MBOAT1: variants seen among roughly 807,000 people sequenced by gnomAD.
The protein encoded by MBOAT1 is membrane bound glycerophospholipid O-acyltransferase 1, also known as membrane-bound glycerophospholipid O-acyltransferase 1.
Under a neutral mutation model 64.4 loss-of-function variants are expected in MBOAT1, and 67 were observed. The ratio of observed to expected loss-of-function variants is 1.04; its 90% CI spans 0.85 to 1.27. The LOEUF (loss-of-function observed/expected upper bound fraction) is 1.27, where lower values mean the gene tolerates loss of function less well. Among genes scored for constraint, MBOAT1 ranks in the 50% most tolerant of loss-of-function variants. The pLI, the probability that MBOAT1 is intolerant of heterozygous loss-of-function variation, is 0.00. For missense variants in MBOAT1, 563 were observed against 604.6 expected, an observed-to-expected ratio of 0.93 and a Z score of 0.72; for synonymous variants, 229 against 218.9, an observed-to-expected ratio of 1.05 and a Z score of -0.41.
chr6:20,159,496 A>G lies in MBOAT1; in HGVS notation c.100-6727T>C, dbSNP rs143156502. On this transcript the variant is annotated intron_variant, in intron 1 of 12. Transcript: ENST00000324607. The stretch of plus-strand genomic sequence containing the variant: ...ATTTGCGACAACATGATACACCTAG[A>G]AGACATTGTGTTAAATGACATAAGC... Among the ~76,000 whole-genome samples, 11 of 152,318 alleles carry G rather than the reference A, an allele frequency of 7.2e-5. No individual in the cohort carries two copies. The East Asian group carries it at 2.1e-3, about 29-fold the overall frequency.
chr6:20,211,158 C>G (rs1763405446), intron 1 of MBOAT1, among the ~76,000 whole-genome samples: 1 of 152,098 alleles, frequency 6.6e-6, no homozygotes, highest in Non-Finnish European at 1.5e-5. Context: ...AGGCAAATGT[C>G]CAGGTCTCAC....
intron 1 of MBOAT1, among the ~76,000 whole-genome samples, chr6:20,173,107 T>A (rs1762247106): frequency 6.6e-6 from 1 of 152,180 alleles, no homozygotes; most frequent in African/African-American, 2.4e-5. Flanking sequence ...TCCACCATGA[T>A]TATAAGTTCC....
rs535526001 is a variant in MBOAT1 at position 20,147,962 on chromosome 6, C to G, written c.323+3223G>C. On this transcript the variant is annotated intron_variant, in intron 3 of 12. Transcript: ENST00000324607. ...TGATAACTGCATCACCAAGTTCTCA[C>G]GCTAGGCCCTCTGCCCCAGGAGACA... Among the ~76,000 whole-genome samples, 3 of 152,350 alleles carry G rather than the reference C, an allele frequency of 2.0e-5. No homozygotes were observed. The South Asian group carries it at 6.2e-4, about 32-fold the overall frequency.
chr6:20,136,205 A>T (rs543089969), intron 4 of MBOAT1, among the ~76,000 whole-genome samples: 64 of 152,346 alleles, frequency 4.2e-4, no homozygotes, highest in Admixed American at 6.5e-4. Flanking sequence ...AAAGGCAGAG[A>T]TCACGCCTCT....
chr6:20,102,719 C>T (rs72842611), intron 12 of MBOAT1, among the ~76,000 whole-genome samples: 9,968 of 152,192 alleles, frequency 0.065, 431 homozygotes, highest in Middle Eastern at 0.11. Flanking sequence ...CAGCCAGACA[C>T]CCCCAATATT....
intron 3 of MBOAT1, among the ~76,000 whole-genome samples, chr6:20,147,845 A>G (rs1019393589): frequency 6.6e-6 from 1 of 152,242 alleles, no homozygotes; most frequent in Non-Finnish European, 1.5e-5. Context: ...ATTAAATGAT[A>G]TATTACATAA....
intron 1 of MBOAT1, among the ~76,000 whole-genome samples, chr6:20,181,670 G>A (rs938500087): frequency 5.9e-5 from 9 of 152,178 alleles, no homozygotes; most frequent in African/African-American, 1.2e-4. Context: ...CACATAAGGC[G>A]GCCTCGGTGC....
intron 4 of MBOAT1, among the ~76,000 whole-genome samples, chr6:20,143,785 C>G (rs1055012364): frequency 9.2e-5 from 14 of 152,096 alleles, no homozygotes; most frequent in Middle Eastern, 3.2e-3. Flanking sequence ...AGATGAAAAC[C>G]AACCCTGAGT....
At chr6:20,191,822 A>G (rs1211242197) in intron 1 of MBOAT1, among the ~76,000 whole-genome samples, 2 of 152,210 alleles carry the variant, frequency 1.3e-5, no homozygotes, top group Admixed American at 6.5e-5. Flanking sequence ...AAGCTATATT[A>G]TTATAGTACT....
In MBOAT1 at chr6:20,100,583, C is replaced by A. The variant is rs570968182; in HGVS notation, c.*1703G>T. Among the ~76,000 whole-genome samples the A allele has an allele frequency of 7.9e-5, 12 of 152,280 alleles. No individual in the cohort carries two copies. The highest frequency in any genetic ancestry group is 2.6e-4 in the African/African-American group (11 of 41,544). On this transcript the variant is annotated 3_prime_UTR_variant, in exon 13 of 13. Coordinates refer to ENST00000324607, the MANE Select transcript of MBOAT1 (RefSeq NM_001080480.3). ...CCCCAGCACCAGGACTGTTTACATG[C>A]TGTAGAGGAACAGGCACATCACATT...
chr6:20,148,775 A>C (rs1482744169), intron 3 of MBOAT1, among the ~76,000 whole-genome samples: 2 of 152,192 alleles, frequency 1.3e-5, no homozygotes, highest in African/African-American at 4.8e-5. Flanking sequence ...AACAATTTCC[A>C]CTTCGGCAAT....
At chr6:20,105,453 C>T (rs1236447168) in intron 12 of MBOAT1, among the ~76,000 whole-genome samples, 1 of 152,144 alleles carries the variant, frequency 6.6e-6, no homozygotes, top group Non-Finnish European at 1.5e-5. Flanking sequence ...TTGCCATCTA[C>T]GAAAGTTTCT....
intron 5 of MBOAT1, among the ~76,000 whole-genome samples, chr6:20,129,540 C>T (rs1760756351): frequency 6.6e-6 from 1 of 151,450 alleles, no homozygotes; most frequent in African/African-American, 2.4e-5. Context: ...CTGGAATTTA[C>T]TCGTTCCTCC....
At chr6:20,136,230 G>C (rs563775131) in intron 4 of MBOAT1, among the ~76,000 whole-genome samples, 24 of 152,200 alleles carry the variant, frequency 1.6e-4, no homozygotes, top group Admixed American at 2.6e-4. Context: ...TCATTTCAGA[G>C]TTCATTAGTA....
At chr6:20,154,815 ATTG>A (rs961375470) in intron 1 of MBOAT1, among the ~76,000 whole-genome samples, 1 of 152,216 alleles carries the variant, frequency 6.6e-6, no homozygotes, top group African/African-American at 2.4e-5. Flanking sequence ...TACTAAACCC[ATTG>A]TTGTACTCTG....
chr6:20,157,117 A>C (rs12660328), intron 1 of MBOAT1, among the ~76,000 whole-genome samples: 34,792 of 151,784 alleles, frequency 0.23, 4,574 homozygotes, highest in East Asian at 0.44. Flanking sequence ...AACCCCATCC[A>C]CCCAAAAAAA....
chr6:20,167,391 C>T (rs6932299), intron 1 of MBOAT1, among the ~76,000 whole-genome samples: 53,028 of 152,108 alleles, frequency 0.35, 9,806 homozygotes, highest in East Asian at 0.53. Flanking sequence ...TAAGGGTATG[C>T]TCTCCTCACC....
chr6:20,163,072 T>A (rs1029680995), intron 1 of MBOAT1, among the ~76,000 whole-genome samples: 1 of 152,230 alleles, frequency 6.6e-6, no homozygotes, highest in Non-Finnish European at 1.5e-5. Context: ...CTTTAAAAAC[T>A]TACTCCAATG....
intron 1 of MBOAT1, among the ~76,000 whole-genome samples, chr6:20,209,766 C>G (rs1763369083): frequency 6.6e-6 from 1 of 152,162 alleles, no homozygotes; most frequent in Non-Finnish European, 1.5e-5. Context: ...CAGGTTACTC[C>G]CTAGATCTGC....
Sources: allele counts gnomAD v4.1 joint callset (sites outside exome capture counted in the v4.1 genomes callset), GRCh38; gene constraint gnomAD v4.1.1; transcripts MANE v1.5; gene names NCBI Gene and HGNC (gene_info 2026-07-23, HGNC 2026-07-21).